The following EVC2 variants were observed in gnomAD, a reference collection of about 807,000 sequenced individuals.
EVC2 encodes the protein EvC ciliary complex subunit 2, also known as limbin.
A neutral mutation model predicts 149.3 loss-of-function variants in EVC2; 148 were observed. The ratio of observed to expected loss-of-function variants is 0.99; its 90% CI spans 0.87 to 1.14. The LOEUF (loss-of-function observed/expected upper bound fraction) is 1.14. EVC2 is among the 50% of genes most tolerant of loss of function. The pLI is 0.00. For missense variants in EVC2, 1,854 were observed against 1,627.3 expected (o/e 1.14, Z -2.40); for synonymous variants, 776 against 649.9 (o/e 1.19, Z -2.95).
the EVC2 span, among the ~76,000 whole-genome samples, chr4:5,530,291 A>T: frequency 6.6e-6 from 1 of 152,198 alleles, no homozygotes; most frequent in Admixed American, 6.5e-5. Context: ...CCTTTACAAC[A>T]GACATTGTGC....
At chr4:5,668,238 A>G (rs538050762) in intron 7 of EVC2, among the ~76,000 whole-genome samples, 12 of 152,338 alleles carry the variant, frequency 7.9e-5, no homozygotes, top group African/African-American at 2.2e-4. Flanking sequence ...TGACAGACCA[A>G]TGAGGCCACC....
In EVC2 at chr4:5,614,832, G is replaced by GC. The variant is rs33955137; in HGVS notation, c.2829+589dup. 0.37 allele frequency among the ~76,000 whole-genome samples: 55,390 copies of GC among 151,446 alleles called. 11,227 individuals are homozygous for GC. Among genetic ancestry groups the GC allele is most frequent in the East Asian group, 0.6 (3,062 of 5,096 alleles). On this transcript the variant is annotated intron_variant, in intron 16 of 21. Transcript: ENST00000344408. This position sits in a 1 kb window ranked among gnomAD's most constrained non-coding sequence, Gnocchi z 4.7. ...ATGTCTACTAAAAATACAAAAATTA[G>GC]CAGGTGTGATGGTGGGTGCCTGTAA...
In EVC2 at chr4:5,625,420, C is replaced by G. The variant is rs115112579; in HGVS notation, c.2046+329G>C. On this transcript the variant is annotated intron_variant, in intron 13 of 21. Coordinates refer to ENST00000344408, the MANE Select transcript of EVC2 (RefSeq NM_147127.5). The surrounding 1 kb of genome is among the most constrained non-coding windows in gnomAD (Gnocchi z 4.0). ...GATATCTTATATAACACACTTAGCA[C>G]AGTGCTAAGTAAGCAGCCAATAAAT... 1.3e-5 allele frequency among the ~76,000 whole-genome samples: 2 copies of G among 152,106 alleles called. No homozygotes were observed. Among genetic ancestry groups the G allele is most frequent in the African/African-American group, 2.4e-5 (1 of 41,398 alleles).
chr4:5,599,272 G>A (rs961713337), intron 16 of EVC2, among the ~76,000 whole-genome samples: 23 of 151,298 alleles, frequency 1.5e-4, no homozygotes, highest in African/African-American at 4.9e-4. Context: ...ACATGCACAC[G>A]TATGTTGATT....
rs768878731 is a variant in EVC2, at chr4:5,615,461, G to T, written c.2790C>A (p.His930Gln). Residue 930 changes from histidine (H) to glutamine (Q), a missense_variant, in exon 16 of 22, where the codon CAC becomes CAA. His to Gln is a conservative substitution (Grantham distance 24). Transcript: ENST00000344408. ...LLKKCIEDKI[H>Q]LCEEQASEDL... ...CTTCAGAGGCCTGTTCCTCACAGAG[G>T]TGAATTTTGTCTTCGATGCACTTCT... 1.9e-6 allele frequency: 3 copies of T among 1,614,080 alleles called. No homozygotes were observed. The highest frequency in any genetic ancestry group is 2.5e-6 in the Non-Finnish European group (3 of 1,180,044).
intron 1 of EVC2, among the ~76,000 whole-genome samples, chr4:5,705,833 G>T (rs1203387327): frequency 6.6e-6 from 1 of 152,020 alleles, no homozygotes; most frequent in Non-Finnish European, 1.5e-5. Flanking sequence ...GTTCAGTGAC[G>T]CCAGGGATTC....
intron 2 of EVC2, among the ~76,000 whole-genome samples, chr4:5,695,068 G>A (rs1379432123): frequency 6.6e-6 from 1 of 152,046 alleles, no homozygotes; most frequent in Non-Finnish European, 1.5e-5. Context: ...ATGACTCCTG[G>A]GCCAGGCACC....
intron 9 of EVC2, among the ~76,000 whole-genome samples, chr4:5,660,290 T>G (rs1309315234): frequency 6.6e-6 from 1 of 152,174 alleles, no homozygotes; most frequent in Non-Finnish European, 1.5e-5. Flanking sequence ...AGCCTGGCTC[T>G]TCACCAGGCA....
downstream of EVC2, among the ~76,000 whole-genome samples, chr4:5,559,082 C>T (rs941406555): frequency 2.6e-5 from 4 of 152,154 alleles, no homozygotes; most frequent in Non-Finnish European, 5.9e-5. This position sits in a 1 kb window ranked among gnomAD's most constrained non-coding sequence, Gnocchi z 5.0. Context: ...CAGTGGCATG[C>T]ACCTGTAGTC....
chr4:5,638,461 G>T (rs1577191811), intron 10 of EVC2, among the ~76,000 whole-genome samples: 2 of 151,970 alleles, frequency 1.3e-5, no homozygotes, highest in African/African-American at 2.4e-5. Context: ...TCATTTAGGA[G>T]CTGAATCACC....
chr4:5,689,123 T>G (rs755440651), intron 5 of EVC2, 34 bp downstream of exon 5: 1 of 1,611,826 alleles, frequency 6.2e-7, no homozygotes, highest in South Asian at 1.1e-5. Flanking sequence ...TATTCTCATT[T>G]GTCATCCCTG....
chr4:5,640,815 C>T lies in EVC2; in HGVS notation c.1169G>A (p.Arg390Gln), dbSNP rs367655073. ...ACAAGCCTCCAGATCTGCATCTGCC[C>T]GATTCAGGGTTGCAATCTCCAACCT... ...LEELEIATLN[R>Q]ADADLEACRT... Residue 390 changes from arginine (R) to glutamine (Q), a missense_variant, in exon 10 of 22, where the codon CGG (arginine) becomes CAG (glutamine). Transcript: ENST00000344408. This position sits in a 1 kb window ranked among gnomAD's most constrained non-coding sequence, Gnocchi z 4.6. The T allele has an allele frequency of 1.1e-4, 170 of 1,614,098 alleles. 1 individual carries two copies. In the South Asian group the frequency reaches 1.5e-3, roughly 14 times the overall value.
intron 12 of EVC2, among the ~76,000 whole-genome samples, chr4:5,626,569 C>T (rs1158237472): frequency 3.9e-5 from 6 of 152,018 alleles, no homozygotes; most frequent in African/African-American, 1.2e-4. Context: ...CTCCTGACCT[C>T]GTGATCCACC....
intron 10 of EVC2, among the ~76,000 whole-genome samples, chr4:5,639,446 C>T (rs1193917692): frequency 6.6e-6 from 1 of 152,248 alleles, no homozygotes; most frequent in Non-Finnish European, 1.5e-5. Context: ...GCAATCTAGG[C>T]CAGCCCTGGC....
At chr4:5,603,533 T>A (rs1030637036) in intron 16 of EVC2, among the ~76,000 whole-genome samples, 1 of 152,198 alleles carries the variant, frequency 6.6e-6, no homozygotes, top group African/African-American at 2.4e-5. Flanking sequence ...CCTTCTGAAG[T>A]CAGAGAGAGT....
At chr4:5,617,996 A>C (rs1029768885) in intron 15 of EVC2, among the ~76,000 whole-genome samples, 3 of 152,212 alleles carry the variant, frequency 2.0e-5, no homozygotes, top group African/African-American at 7.2e-5. Flanking sequence ...ATAGCTGCTC[A>C]TTAAAAGGCA....
intron 8 of EVC2, among the ~76,000 whole-genome samples, chr4:5,664,362 GA>G (rs1475395309): frequency 6.6e-6 from 1 of 152,142 alleles, no homozygotes; most frequent in East Asian, 1.9e-4. Flanking sequence ...GTGATGCCAG[GA>G]AAAAAGTACT....
rs542229690 is a variant in EVC2 at position 5,599,388 on chromosome 4, G to A, written c.2830-14538C>T. The stretch of plus-strand genomic sequence containing the variant: ...CATATACACCATGGAATACTATGCA[G>A]CCATAAAAAATGATGAGTTCATGTC... On this transcript the variant is annotated intron_variant, in intron 16 of 21. Transcript: ENST00000344408. Among the ~76,000 whole-genome samples the A allele has an allele frequency of 9.9e-5, 15 of 152,202 alleles. No homozygotes were observed. The East Asian group carries it at 2.1e-3, about 22-fold the overall frequency.
chr4:5,585,365 T>G lies in EVC2; in HGVS notation c.2830-515A>C, dbSNP rs1030497750. Among the ~76,000 whole-genome samples the G allele has an allele frequency of 3.3e-5, 5 of 152,146 alleles. 1 individual carries two copies. The highest frequency in any genetic ancestry group is 1.3e-4 in the Admixed American group (2 of 15,276). ...TTGCAGTGATTGAAATGTCCTCCCA[T>G]TCTCCCTTCCTGAAATTCTACTATT... is the stretch of plus-strand genomic sequence containing the variant. On this transcript the variant is annotated intron_variant, in intron 16 of 21. Transcript: ENST00000344408.
Sources: allele counts gnomAD v4.1 joint callset (sites outside exome capture counted in the v4.1 genomes callset), GRCh38; gene constraint gnomAD v4.1.1; non-coding constraint Gnocchi (gnomAD v3.1); transcripts MANE v1.5; gene names NCBI Gene and HGNC (gene_info 2026-07-23, HGNC 2026-07-21).